Variants in TTC17 observed in about 807,000 individuals in gnomAD.
TTC17 encodes tetratricopeptide repeat domain 17.
Under a neutral mutation model 143.8 loss-of-function variants are expected in TTC17, and 58 were observed. The observed-to-expected ratio is 0.40, with a 90% CI of 0.33 to 0.50. The LOEUF (loss-of-function observed/expected upper bound fraction) is 0.50. TTC17 is among the 20% of genes least tolerant of loss of function. The pLI is 0.49. For missense variants in TTC17, 1,273 were observed against 1,392.5 expected (o/e 0.91, Z 1.37); for synonymous variants, 501 against 497.8 (o/e 1.01, Z -0.09).
intron 2 of TTC17, among the ~76,000 whole-genome samples, chr11:43,380,985 A>G (rs996533523): frequency 6.6e-6 from 1 of 152,110 alleles, no homozygotes; most frequent in Non-Finnish European, 1.5e-5. Context: ...TTTTTTTTTC[A>G]GGTATATAGA....
rs118024972 is a variant in TTC17, at chr11:43,370,719, G to A, written c.160-8514G>A. 3.5e-4 allele frequency among the ~76,000 whole-genome samples: 54 copies of A among 152,116 alleles called. 1 individual carries two copies. In the East Asian group the frequency reaches 9.3e-3, roughly 26 times the overall value. ...ACACAAACAAGAAGAGAATAATCAC[G>A]TAAAGTCATATCAACTAGAAACCAT... On this transcript the variant is annotated intron_variant, in intron 1 of 23. Transcript: ENST00000039989.
chr11:43,493,650 C>A, intron 23 of TTC17, 123 bp from the exon 24 acceptor site: 1 of 1,439,432 alleles, frequency 6.9e-7, no homozygotes, highest in South Asian at 1.2e-5. Context: ...AGACTTAGAT[C>A]CGTTGAGCAA....
At chr11:43,436,579 C>T (rs1193612415) in intron 16 of TTC17, among the ~76,000 whole-genome samples, 1 of 152,212 alleles carries the variant, frequency 6.6e-6, no homozygotes, top group East Asian at 1.9e-4. Context: ...CTTAATGTTA[C>T]TGGTATATTG....
At chr11:43,448,446 T>C (rs1181806955) in intron 19 of TTC17, among the ~76,000 whole-genome samples, 2 of 152,194 alleles carry the variant, frequency 1.3e-5, no homozygotes, top group African/African-American at 4.8e-5. Context: ...CATGCAGTTG[T>C]AAGGGAGCCA....
intron 7 of TTC17, 51 bp from the exon 8 acceptor site, chr11:43,397,923 T>A: frequency 9.7e-7 from 1 of 1,031,894 alleles, no homozygotes; most frequent in South Asian, 1.6e-5. Context: ...TGTGTGTGTG[T>A]GTGTGTGTGT....
chr11:43,391,075 A>G (rs1857366964), intron 3 of TTC17, among the ~76,000 whole-genome samples: 1 of 152,194 alleles, frequency 6.6e-6, no homozygotes, highest in African/African-American at 2.4e-5. Flanking sequence ...TTGAGATGCT[A>G]TGAGAATATG....
intron 21 of TTC17, among the ~76,000 whole-genome samples, chr11:43,460,655 C>T (rs1947848251): frequency 6.6e-6 from 1 of 152,236 alleles, no homozygotes; most frequent in African/African-American, 2.4e-5. Context: ...ACTGTCTGAA[C>T]TGGACTCAGC....
In TTC17 at chr11:43,492,100, A is replaced by T. The variant is rs1464784744; in HGVS notation, c.3231A>T (p.Ala1077=). The change falls in exon 23 of 24, where the codon GCA becomes GCT. Residue 1077 remains alanine, a synonymous_variant. Transcript: ENST00000039989. The stretch of plus-strand genomic sequence containing the variant: ...ACGCCGTCATAGTAGCCACCATGGC[A>T]GTAGAGATCGCACCACACTTTGCTG... ...WNDAVIVATM[A]VEIAPHFAVN... 1 of 1,614,176 alleles carries T rather than the reference A, an allele frequency of 6.2e-7. No individual in the cohort carries two copies. The highest frequency in any genetic ancestry group is 8.5e-7 in the Non-Finnish European group (1 of 1,180,008).
intron 21 of TTC17, among the ~76,000 whole-genome samples, chr11:43,456,040 T>C (rs970680147): frequency 6.6e-6 from 1 of 152,178 alleles, no homozygotes; most frequent in African/African-American, 2.4e-5. Context: ...TGATTTACTA[T>C]TTGGAAACCG....
chr11:43,443,607 C>T (rs1947472527), intron 17 of TTC17, 23 bp downstream of exon 17: 8 of 1,593,032 alleles, frequency 5.0e-6, no homozygotes, highest in Non-Finnish European at 6.8e-6. Flanking sequence ...ACTTAATTCT[C>T]ACAAAATTGT....
At position 43,494,118 on chromosome 11, in the gene TTC17, C is replaced by A; in HGVS notation, c.*214C>A. 3 of 518,736 alleles carry A rather than the reference C, an allele frequency of 5.8e-6. No homozygotes were observed. The highest frequency in any genetic ancestry group is 9.7e-6 in the Non-Finnish European group (3 of 309,262). 32.1% of individuals were successfully genotyped at this position (518,736 alleles called of 1,614,324 possible). A position where few individuals can be genotyped will look rare whatever the true frequency, so the allele number is the denominator to read the frequency against. ...CTCAGAAGAGGCACCTTCAGAAACA[C>A]ACATTTCTTAAAAGGAAAGTGCAGC... On this transcript the variant is annotated 3_prime_UTR_variant, in exon 24 of 24. Transcript: ENST00000039989.
intron 21 of TTC17, among the ~76,000 whole-genome samples, chr11:43,485,027 A>G (rs921143014): frequency 6.6e-6 from 1 of 151,984 alleles, no homozygotes; most frequent in African/African-American, 2.4e-5. Flanking sequence ...CAGGAAAACA[A>G]GCTCAGGGCT....
chr11:43,449,162 C>G (rs1947608523), intron 19 of TTC17: 1 of 152,324 alleles, frequency 6.6e-6, no homozygotes, highest in African/African-American at 2.4e-5. Context: ...AAATATAAGT[C>G]AAATCATTCT....
rs568369329 is a variant in TTC17 at position 43,393,620 on chromosome 11, G to C, written c.663+1668G>C. ...TCTCTCTCCCCTCCCCGAAGGACAG[G>C]GGGAGGATGGGATTCTGAAAGATCT... On this transcript the variant is annotated intron_variant, in intron 5 of 23. Transcript: ENST00000039989. Among the ~76,000 whole-genome samples, 377 of 152,272 alleles carry C rather than the reference G, an allele frequency of 2.5e-3. 3 individuals carry two copies. The highest frequency in any genetic ancestry group is 8.8e-3 in the African/African-American group (364 of 41,556).
At chr11:43,420,344 A>T (rs1946872331) in intron 16 of TTC17, among the ~76,000 whole-genome samples, 1 of 152,244 alleles carries the variant, frequency 6.6e-6, no homozygotes, top group Non-Finnish European at 1.5e-5. Context: ...GGGACATTTT[A>T]TAAAAATGGT....
chr11:43,373,138 G>T (rs1455272485), intron 1 of TTC17, among the ~76,000 whole-genome samples: 1 of 151,848 alleles, frequency 6.6e-6, no homozygotes, highest in Non-Finnish European at 1.5e-5. Flanking sequence ...TGTCTATATG[G>T]TACTGTGTTT....
chr11:43,435,463 A>G (rs1380428019), intron 16 of TTC17: 1 of 152,216 alleles, frequency 6.6e-6, no homozygotes, highest in East Asian at 1.9e-4. Flanking sequence ...GTATAGCTGA[A>G]TAGTGGGGGT....
chr11:43,389,029 T>G (rs1173631120), intron 2 of TTC17, among the ~76,000 whole-genome samples: 1 of 150,658 alleles, frequency 6.6e-6, no homozygotes, highest in Non-Finnish European at 1.5e-5. Flanking sequence ...GTCCAGATAC[T>G]TGGGAGGCTG....
chr11:43,396,748 T>C lies in TTC17; in HGVS notation c.703T>C (p.Tyr235His). The C allele has an allele frequency of 6.2e-7, 1 of 1,609,910 alleles. No homozygotes were observed. Among genetic ancestry groups the C allele is most frequent in the East Asian group, 2.2e-5 (1 of 44,776 alleles). Residue 235 changes from tyrosine to histidine, a missense_variant, in exon 6 of 24, where the codon TAC (tyrosine) becomes CAC (histidine). Physicochemically the swap from Tyr to His is moderately conservative, Grantham distance 83. Transcript: ENST00000039989. ...GGTACTGTATAACATGGCTTCATTT[T>C]ACTGGAGAATTAAGAATGAGCCATA... The part of the protein sequence containing the change: ...SWVLYNMASF[Y>H]WRIKNEPYQV...
Sources: gnomAD v4.1 joint callset for allele counts (sites outside exome capture counted in the v4.1 genomes callset) on GRCh38, gnomAD v4.1.1 for gene constraint, MANE v1.5 for transcripts, NCBI Gene and HGNC (gene_info 2026-07-23, HGNC 2026-07-21) for gene names.